The following ZNF217 variants were observed in gnomAD, a reference collection of about 807,000 sequenced individuals.
ZNF217 encodes the protein zinc finger protein 217.
ZNF217 carries 12 observed loss-of-function variants against 73.3 expected under a neutral mutation model. The observed-to-expected ratio is 0.16, with a 90% CI of 0.10 to 0.27. The LOEUF (loss-of-function observed/expected upper bound fraction) is 0.27, where lower values mean the gene tolerates loss of function less well. Ranked by LOEUF, ZNF217 falls within the 10% of genes least tolerant of loss-of-function variation. The pLI, the probability that ZNF217 is intolerant of heterozygous loss-of-function variation, is 1.00. For missense variants in ZNF217, 1,195 were observed against 1,327.8 expected, an observed-to-expected ratio of 0.90 and a Z score of 1.55; for synonymous variants, 588 against 516.4, an observed-to-expected ratio of 1.14 and a Z score of -1.88.
chr20:53,592,534 A>AGC (rs1988915915), intron 1 of ZNF217, among the ~76,000 whole-genome samples: 1 of 145,570 alleles, frequency 6.9e-6, no homozygotes, highest in East Asian at 2.0e-4. Flanking sequence ...CGCCCAAGAA[A>AGC]GCGCCTTCCC....
At chr20:53,570,634 ATAC>A (rs1987953585) in intron 5 of ZNF217, 2 of 152,682 alleles carry the variant, frequency 1.3e-5, no homozygotes, top group South Asian at 2.1e-4. Flanking sequence ...CATAATTCTG[ATAC>A]TACTACTTGA....
intron 1 of ZNF217, among the ~76,000 whole-genome samples, chr20:53,585,095 G>GAAAAAAAAAAAAA (rs748460021): frequency 2.1e-5 from 1 of 46,960 alleles, no homozygotes; most frequent in Non-Finnish European, 4.1e-5. Flanking sequence ...GTGAGAATTT[G>GAAAAAAAAAAAAA]AAAAAAAAAA....
In ZNF217 at chr20:53,582,101, A is replaced by G; in HGVS notation, c.726T>C (p.Thr242=). 15 of 1,614,208 alleles carry G rather than the reference A, an allele frequency of 9.3e-6. No individual in the cohort carries two copies. The highest frequency in any genetic ancestry group is 1.3e-5 in the Non-Finnish European group (15 of 1,180,042). Residue 242 remains threonine, a synonymous_variant, in exon 2 of 6, where the codon ACT becomes ACC. Coordinates refer to ENST00000371471, the MANE Select transcript of ZNF217 (RefSeq NM_006526.3). The surrounding 1 kb of genome is among the most constrained non-coding windows in gnomAD (Gnocchi z 4.8). ...TCTGCGCGCTGCTGGTACCGAAAGC[A>G]GTTTTTTTGGTGTGCACCTTGCGGT... The part of the protein sequence containing the change: ...IEHRKVHTKK[T]AFGTSSAQTD...
Position 53,583,038 on chromosome 20 carries a change from C to T in ZNF217, c.-212G>A, listed in dbSNP as rs1431840728. 4 of 516,536 alleles carry T rather than the reference C, an allele frequency of 7.7e-6. No homozygotes were observed. The highest frequency in any genetic ancestry group is 7.7e-5 in the African/African-American group (4 of 51,808). 32.0% of individuals were successfully genotyped at this position (516,536 alleles called of 1,614,324 possible). A position where few individuals can be genotyped will look rare whatever the true frequency, so the allele number is the denominator to read the frequency against. ...TGGTTCTTTCCACAAACAAGGCATA[C>T]AGGGTTCCCAATGCCTCGATTCAAA... On this transcript the variant is annotated 5_prime_UTR_variant, in exon 2 of 6. Coordinates refer to ENST00000371471, the MANE Select transcript of ZNF217 (RefSeq NM_006526.3).
chr20:53,577,076 C>T lies in ZNF217; in HGVS notation c.1688G>A (p.Gly563Asp), dbSNP rs1221516665. 2.5e-6 allele frequency: 4 copies of T among 1,614,092 alleles called. No individual in the cohort carries two copies. In the African/African-American group the frequency reaches 5.3e-5, roughly 22 times the overall value. ...QTKNLKRFFD[G>D]AKDVTGSPPA... is the part of the protein sequence containing the mutation. ...TGGACTGCCTGTAACATCTTTGGCA[C>T]CATCAAAAAATCTTTTCAAATTTTT... The change falls in exon 4 of 6, where the codon GGT becomes GAT. Residue 563 changes from glycine (G) to aspartate (D), a missense_variant. Gly to Asp is a moderately conservative substitution (Grantham distance 94). Coordinates refer to ENST00000371471, the MANE Select transcript of ZNF217 (RefSeq NM_006526.3).
At chr20:53,583,732 T>C (rs1007225114) in intron 1 of ZNF217, among the ~76,000 whole-genome samples, 1 of 152,194 alleles carries the variant, frequency 6.6e-6, no homozygotes, top group African/African-American at 2.4e-5. Context: ...TACAGAAACT[T>C]TTCCTAAAAT....
chr20:53,596,906 A>G (rs181163305), upstream of ZNF217, among the ~76,000 whole-genome samples: 46 of 152,144 alleles, frequency 3.0e-4, no homozygotes, highest in East Asian at 5.2e-3. Context: ...GCTACACCTC[A>G]TTTTTCACAA....
chr20:53,578,481 G>A, intron 2 of ZNF217, 31 bp from the exon 3 acceptor site: 1 of 1,344,058 alleles, frequency 7.4e-7, no homozygotes, highest in Non-Finnish European at 1.0e-6. Flanking sequence ...ATTTATATAA[G>A]AAGGTAGCTG....
chr20:53,592,973 T>C (rs1051348557), intron 1 of ZNF217, among the ~76,000 whole-genome samples: 2 of 151,930 alleles, frequency 1.3e-5, no homozygotes, highest in Non-Finnish European at 2.9e-5. Flanking sequence ...GTTGTAAAGA[T>C]ATTCTTTAAG....
At chr20:53,578,472 T>C (rs1369932401) in intron 2 of ZNF217, 22 bp from the exon 3 acceptor site, 2 of 1,470,458 alleles carry the variant, frequency 1.4e-6, no homozygotes, top group East Asian at 4.7e-5. Context: ...AACAAAAATA[T>C]TTATATAAGA....
rs1388087224 is a variant in ZNF217, at chr20:53,581,604, G to A, written c.1223C>T (p.Pro408Leu). 2.5e-6 allele frequency: 4 copies of A among 1,614,208 alleles called. No individual in the cohort carries two copies. The highest frequency in any genetic ancestry group is 1.6e-4 in the Middle Eastern group (1 of 6,062). ...KKDRRAGAES[P>L]TMSVDGRQPG... The stretch of plus-strand genomic sequence containing the variant: ...CTGCCTCCCGTCCACAGACATGGTG[G>A]GCGACTCCGCGCCGGCCCTCCGGTC... The change falls in exon 2 of 6, where the codon CCC (proline) becomes CTC (leucine). Residue 408 changes from proline to leucine, a missense_variant. Pro to Leu is a moderately conservative substitution (Grantham distance 98). Coordinates refer to ENST00000371471, the MANE Select transcript of ZNF217 (RefSeq NM_006526.3). The surrounding 1 kb of genome is among the most constrained non-coding windows in gnomAD (Gnocchi z 4.9).
intron 4 of ZNF217, among the ~76,000 whole-genome samples, chr20:53,573,278 C>T (rs1262949910): frequency 6.6e-6 from 1 of 152,082 alleles, no homozygotes; most frequent in African/African-American, 2.4e-5. Context: ...CATGCGCTAC[C>T]ACACCCAGCT....
intron 1 of ZNF217, among the ~76,000 whole-genome samples, chr20:53,592,836 TAA>T (rs1279504231): frequency 2.2e-4 from 25 of 115,516 alleles, no homozygotes; most frequent in Admixed American, 2.7e-4. Context: ...AAACTTCCCT[TAA>T]AAAAAAAAAA....
At position 53,577,342 on chromosome 20, in the gene ZNF217, A is replaced by G. The variant is rs1217254405; in HGVS notation, c.1484-62T>C. ...TGAAAAGCACTGAAATAGATCAAAT[A>G]TCTATTTATTAAGAAAACAGGCTTC... On this transcript the variant is annotated intron_variant, in intron 3 of 5. Transcript: ENST00000371471. 4 of 1,413,858 alleles carry G rather than the reference A, an allele frequency of 2.8e-6. No homozygotes were observed. In the African/African-American group the frequency reaches 4.3e-5, roughly 15 times the overall value. 87.6% of individuals were successfully genotyped at this position (1,413,858 alleles called of 1,614,324 possible).
In ZNF217 at chr20:53,583,167, C is replaced by G; in HGVS notation, c.-341G>C. The G allele has an allele frequency of 2.4e-6, 1 of 410,444 alleles. No homozygotes were observed. Among genetic ancestry groups the G allele is most frequent in the Non-Finnish European group, 4.3e-6 (1 of 232,638 alleles). 25.4% of individuals were successfully genotyped at this position (410,444 alleles called of 1,614,324 possible). ...AACCTGGAGACAAGGGATTTCCAAA[C>G]CCTAGAGGAAAAAAAACAGAAACGG... On this transcript the variant is annotated splice_region_variant and 5_prime_UTR_variant, in exon 2 of 6. Coordinates refer to ENST00000371471, the MANE Select transcript of ZNF217 (RefSeq NM_006526.3).
intron 1 of ZNF217, among the ~76,000 whole-genome samples, chr20:53,589,875 A>T (rs1347525174): frequency 6.7e-6 from 1 of 150,226 alleles, no homozygotes; most frequent in Non-Finnish European, 1.5e-5. Context: ...TTTTTCTTCC[A>T]TGTGCGTTTA....
At chr20:53,569,831 C>T (rs1386238741) in intron 5 of ZNF217, among the ~76,000 whole-genome samples, 3 of 152,090 alleles carry the variant, frequency 2.0e-5, no homozygotes, top group African/African-American at 7.2e-5. Flanking sequence ...AGTTGCCATG[C>T]ACAAGAAAAT....
intron 1 of ZNF217, among the ~76,000 whole-genome samples, chr20:53,592,133 C>G (rs1443616272): frequency 6.6e-6 from 1 of 152,192 alleles, no homozygotes; most frequent in East Asian, 1.9e-4. Flanking sequence ...AAACATACAG[C>G]TTAATGCTTC....
chr20:53,570,335 A>G (rs2145918491), intron 5 of ZNF217: 1 of 148,542 alleles, frequency 6.7e-6, no homozygotes, highest in African/African-American at 2.7e-5. Context: ...CTCAGTTCCC[A>G]TATGAGTCCC....
Sources: gnomAD v4.1 joint callset for allele counts (sites outside exome capture counted in the v4.1 genomes callset) on GRCh38, gnomAD v4.1.1 for gene constraint, Gnocchi (gnomAD v3.1) non-coding constraint, MANE v1.5 for transcripts, NCBI Gene and HGNC (gene_info 2026-07-23, HGNC 2026-07-21) for gene names.